KCNIP4: variants seen among roughly 807,000 people sequenced by gnomAD.
KCNIP4 encodes the protein Kv channel-interacting protein 4.
In KCNIP4, 12 loss-of-function variants were observed where a neutral mutation model predicts 34.0. The ratio of observed to expected loss-of-function variants is 0.35; its 90% CI spans 0.23 to 0.57. KCNIP4 has a LOEUF of 0.57. Ranked by LOEUF, KCNIP4 falls within the 20% of genes least tolerant of loss-of-function variation. KCNIP4 has a pLI of 0.83. For synonymous variants in KCNIP4, 124 were observed against 102.2 expected (o/e 1.21, Z -1.29); for missense variants, 238 against 311.7 (o/e 0.76, Z 1.78).
rs139011546 is a variant in KCNIP4, at chr4:21,696,177, T to C, written c.61+252394A>G. On this transcript the variant is annotated intron_variant, in intron 1 of 8. Coordinates refer to ENST00000382152, the MANE Select transcript of KCNIP4 (RefSeq NM_025221.6). ...TATCTATTAATATTTGATGATGCTC[T>C]CTAAAATCATTTGATTGTCAGTTAC... is the stretch of plus-strand genomic sequence containing the variant. Among the ~76,000 whole-genome samples, 803 of 152,248 alleles carry C rather than the reference T, an allele frequency of 5.3e-3. 4 individuals carry two copies. The highest frequency in any genetic ancestry group is 8.2e-3 in the Non-Finnish European group (556 of 67,980).
intron 1 of KCNIP4, among the ~76,000 whole-genome samples, chr4:21,600,861 C>T (rs1743057646): frequency 6.6e-6 from 1 of 151,976 alleles, no homozygotes; most frequent in South Asian, 2.1e-4. Flanking sequence ...CCAGCCTTGC[C>T]TTATCTATCC....
intron 2 of KCNIP4, among the ~76,000 whole-genome samples, chr4:20,859,953 A>G (rs569181356): frequency 6.6e-6 from 1 of 152,280 alleles, no homozygotes; most frequent in East Asian, 1.9e-4. Context: ...CCTTGCCTAT[A>G]AAGCATGAAA....
At chr4:21,858,431 A>G (rs1724882030) in intron 1 of KCNIP4, among the ~76,000 whole-genome samples, 2 of 152,236 alleles carry the variant, frequency 1.3e-5, no homozygotes, top group African/African-American at 2.4e-5. Flanking sequence ...TTACTAGCAC[A>G]AGATAAAATG....
chr4:21,571,417 A>G (rs71607084), intron 1 of KCNIP4, among the ~76,000 whole-genome samples: 4,315 of 152,318 alleles, frequency 0.028, 87 homozygotes, highest in Non-Finnish European at 0.043. Flanking sequence ...AGTTAAATGC[A>G]GAAATGCAAA....
intron 2 of KCNIP4, among the ~76,000 whole-genome samples, chr4:20,852,380 C>T (rs529668595): frequency 2.6e-5 from 4 of 152,222 alleles, no homozygotes; most frequent in South Asian, 2.1e-4. Context: ...AAAAATCACA[C>T]GATCATCTCA....
rs550064536 is a variant in KCNIP4 at position 20,970,233 on chromosome 4, G to A, written c.62-87524C>T. Among the ~76,000 whole-genome samples, 764 of 152,230 alleles carry A rather than the reference G, an allele frequency of 5.0e-3. 12 individuals carry two copies. The highest frequency in any genetic ancestry group is 7.3e-3 in the South Asian group (35 of 4,822). Reference sequence around the variant, plus strand: ...TGGGATTACAGGTGTGAGCCACCGCGCCCGGCCAGCGGTTATTCTTAGAAT... The same window carrying A: ...TGGGATTACAGGTGTGAGCCACCGCACCCGGCCAGCGGTTATTCTTAGAAT... On this transcript the variant is annotated intron_variant, in intron 1 of 8. Coordinates refer to ENST00000382152, the MANE Select transcript of KCNIP4 (RefSeq NM_025221.6).
intron 1 of KCNIP4, among the ~76,000 whole-genome samples, chr4:21,767,694 T>A (rs568497521): frequency 9.2e-5 from 14 of 152,132 alleles, no homozygotes; most frequent in Admixed American, 2.6e-4. Context: ...GTTAAATAAC[T>A]GTTTTTCTCT....
chr4:21,841,404 A>G (rs982138038), intron 1 of KCNIP4, among the ~76,000 whole-genome samples: 7 of 152,208 alleles, frequency 4.6e-5, no homozygotes, highest in Non-Finnish European at 1.0e-4. Context: ...TGACCAACCC[A>G]TTACAATTTT....
intron 1 of KCNIP4, among the ~76,000 whole-genome samples, chr4:21,074,566 T>G (rs1457070716): frequency 6.6e-6 from 1 of 152,212 alleles, no homozygotes; most frequent in Non-Finnish European, 1.5e-5. Flanking sequence ...CTATTAACTT[T>G]GTTGATCTTT....
intron 1 of KCNIP4, among the ~76,000 whole-genome samples, chr4:21,000,797 C>T (rs896750137): frequency 2.0e-5 from 3 of 152,266 alleles, no homozygotes; most frequent in Admixed American, 6.5e-5. Context: ...CCAGCTACAG[C>T]GGTCTCCACT....
At chr4:21,348,546 C>A (rs1025242172) in intron 1 of KCNIP4, among the ~76,000 whole-genome samples, 1 of 152,264 alleles carries the variant, frequency 6.6e-6, no homozygotes, top group East Asian at 1.9e-4. Context: ...ACAGTCTCCC[C>A]CTGAAGACAA....
intron 1 of KCNIP4, among the ~76,000 whole-genome samples, chr4:21,089,095 A>C (rs1746739217): frequency 6.6e-6 from 1 of 152,178 alleles, no homozygotes; most frequent in South Asian, 2.1e-4. Context: ...AAATTTTAGC[A>C]AGTTTTACCA....
At position 20,748,560 on chromosome 4, in the gene KCNIP4, TTATATATATATATATATATATATATA is replaced by T. The variant is rs3075750; in HGVS notation, c.429+1076_429+1101del. On this transcript the variant is annotated intron_variant, in intron 5 of 8. Coordinates refer to ENST00000382152, the MANE Select transcript of KCNIP4 (RefSeq NM_025221.6). Reference sequence around the variant, plus strand: ...CAAAAATAAATGCACCTTCCAAATTTTATATATATATATATATATATATATATATATATATATATATATATTCCATA... The same window carrying T: ...CAAAAATAAATGCACCTTCCAAATTTTATATATATATATATATATTCCATA... Among the ~76,000 whole-genome samples the T allele has an allele frequency of 9.2e-5, 6 of 64,908 alleles. 1 individual carries two copies. The South Asian group carries it at 2.8e-3, about 30-fold the overall frequency. 42.6% of individuals were successfully genotyped at this position (64,908 alleles called of 152,430 possible). A position where few individuals can be genotyped will look rare whatever the true frequency, so the allele number is the denominator to read the frequency against.
intron 1 of KCNIP4, among the ~76,000 whole-genome samples, chr4:21,535,747 G>A (rs557898432): frequency 1.3e-5 from 2 of 152,106 alleles, no homozygotes; most frequent in South Asian, 2.1e-4. Context: ...CCTTACTTTT[G>A]GAATGTATCC....
At chr4:21,408,232 G>C (rs1724174613) in intron 1 of KCNIP4, among the ~76,000 whole-genome samples, 1 of 152,144 alleles carries the variant, frequency 6.6e-6, no homozygotes, top group Non-Finnish European at 1.5e-5. Context: ...TGATAATATA[G>C]AAATATTGAC....
intron 1 of KCNIP4, among the ~76,000 whole-genome samples, chr4:21,278,696 A>G (rs576794567): frequency 3.6e-4 from 55 of 152,326 alleles, no homozygotes; most frequent in Admixed American, 9.2e-4. Context: ...GGAGACCTAG[A>G]GAACAGCTGC....
At chr4:21,482,903 T>A (rs13129962) in intron 1 of KCNIP4, among the ~76,000 whole-genome samples, 18,993 of 152,010 alleles carry the variant, frequency 0.12, 1,352 homozygotes, top group South Asian at 0.21. Context: ...TAGAATACTA[T>A]GCAGCCATAA....
chr4:21,419,453 T>C (rs1725257307), intron 1 of KCNIP4, among the ~76,000 whole-genome samples: 1 of 152,124 alleles, frequency 6.6e-6, no homozygotes. Flanking sequence ...TAATATCGCC[T>C]CTATTATTAA....
intron 1 of KCNIP4, among the ~76,000 whole-genome samples, chr4:21,705,629 T>C (rs148019828): frequency 6.4e-4 from 97 of 152,014 alleles, no homozygotes; most frequent in African/African-American, 2.2e-3. Context: ...GCATGTCGAA[T>C]GGAGGGAAGG....
Sources: allele counts gnomAD v4.1 joint callset (sites outside exome capture counted in the v4.1 genomes callset), GRCh38; gene constraint gnomAD v4.1.1; transcripts MANE v1.5; gene names NCBI Gene and HGNC (gene_info 2026-07-23, HGNC 2026-07-21).